Variants in AK9 observed in about 807,000 individuals in gnomAD.
The protein encoded by AK9 is adenylate kinase domain containing 1.
AK9 carries 191 observed loss-of-function variants against 239.6 expected under a neutral mutation model. The observed-to-expected ratio is 0.80, with a 90% CI of 0.71 to 0.90. AK9 has a LOEUF of 0.90. AK9 is among the 40% of genes least tolerant of loss of function. The pLI is 0.00. For synonymous variants in AK9, 689 were observed against 721.0 expected (o/e 0.96, Z 0.71); for missense variants, 1,995 against 2,214.7 (o/e 0.90, Z 1.99).
chr6:109,580,906 T>C (rs1294445783), intron 19 of AK9, among the ~76,000 whole-genome samples: 2 of 141,586 alleles, frequency 1.4e-5, no homozygotes, highest in African/African-American at 5.0e-5. Flanking sequence ...ATATCGTGGT[T>C]TTTTTTTGTG....
At chr6:109,571,259 C>T (rs1260535075) in intron 21 of AK9, among the ~76,000 whole-genome samples, 1 of 152,176 alleles carries the variant, frequency 6.6e-6, no homozygotes. Flanking sequence ...CAGAAATCCA[C>T]AGCCTGTTCT....
chr6:109,533,405 C>T lies in AK9; in HGVS notation c.3416G>A (p.Arg1139His), dbSNP rs765149808. ...AACAGCTGCATCTGGGAAAAATCCA[C>T]GATCTCCCAAAAACTGGGCCTCTTC... is the stretch of plus-strand genomic sequence containing the variant. The part of the protein sequence containing the change: ...YPEEAQFLGD[R>H]GFFPDAAVFI... The change falls in exon 28 of 41, where the codon CGT becomes CAT. Residue 1139 changes from arginine to histidine, a missense_variant. By Grantham distance (29) the Arg-to-His change is conservative (BLOSUM62 0). This residue lies in a region of AK9 where 1,290 missense variants were observed against 1,392.7 expected (regional missense o/e 0.93). Transcript: ENST00000424296. 5.7e-5 allele frequency: 92 copies of T among 1,609,764 alleles called. No homozygotes were observed. The highest frequency in any genetic ancestry group is 4.9e-4 in the Middle Eastern group (3 of 6,076).
rs566894365 is a variant in AK9, at chr6:109,585,142, T to C, written c.2095A>G (p.Lys699Glu). The part of the protein sequence containing the change: ...RLLEELQKKK[K>E]EEEEARKATE... ...TTTTACCTTGCTTCTTCTTCTTCTTTTTTTTTCTTTTGTAGTTCTTCTAAT... is the reference window on the plus strand; with the variant it reads ...TTTTACCTTGCTTCTTCTTCTTCTTCTTTTTTCTTTTGTAGTTCTTCTAAT... Residue 699 changes from lysine to glutamate, a missense_variant, in exon 19 of 41, where the codon AAA becomes GAA. By Grantham distance (56) the Lys-to-Glu change is moderately conservative (BLOSUM62 1). Transcript: ENST00000424296. 33 of 1,161,642 alleles carry C rather than the reference T, an allele frequency of 2.8e-5. No homozygotes were observed. In the South Asian group the frequency reaches 4.0e-4, roughly 14 times the overall value. The allele number at this position is 1,161,642 out of a possible 1,614,324, so 72.0% of individuals were successfully genotyped here. A position where few individuals can be genotyped will look rare whatever the true frequency, so the allele number is the denominator to read the frequency against.
rs573173802 is a variant in AK9, at chr6:109,619,202, A to G, written c.1289T>C (p.Phe430Ser). ...TACTAATGTTTCACGGGCTTTATCA[A>G]AACGTGGCTGAACAAGTTGGGCATA... The part of the protein sequence containing the change: ...VDYAQLVQPR[F>S]DKARETLVEN... Residue 430 changes from phenylalanine to serine, a missense_variant, in exon 13 of 41, where the codon TTT becomes TCT. Phe to Ser is a radical substitution (Grantham distance 155). Around this residue, in one of 5 missense-constraint regions of AK9, gnomAD observed 1,290 missense variants for 1,392.7 expected, o/e 0.93. Coordinates refer to ENST00000424296, the MANE Select transcript of AK9 (RefSeq NM_001145128.3). 6.5e-7 allele frequency: 1 copy of G among 1,549,854 alleles called. No individual in the cohort carries two copies. The highest frequency in any genetic ancestry group is 2.0e-5 in the Admixed American group (1 of 50,680).
At chr6:109,685,565 A>G (rs897303503) in intron 1 of AK9, among the ~76,000 whole-genome samples, 1 of 146,850 alleles carries the variant, frequency 6.8e-6, no homozygotes, top group Non-Finnish European at 1.5e-5. Flanking sequence ...AACATCACAC[A>G]CTGGGGCCTT....
At chr6:109,559,366 A>C (rs1785446731) in intron 24 of AK9, among the ~76,000 whole-genome samples, 1 of 150,982 alleles carries the variant, frequency 6.6e-6, no homozygotes, top group Non-Finnish European at 1.5e-5. Context: ...ATGGGGTTTC[A>C]CCGTGTTAGC....
chr6:109,563,764 T>C (rs998394596), intron 23 of AK9, 52 bp from the exon 24 acceptor site: 1 of 1,504,610 alleles, frequency 6.6e-7, no homozygotes, highest in African/African-American at 1.4e-5. Context: ...AAAAGGTTAT[T>C]AGCATATTAC....
Position 109,639,055 on chromosome 6 carries a change from T to A in AK9, c.933+2463A>T, listed in dbSNP as rs571610922. Among the ~76,000 whole-genome samples, 111 of 152,366 alleles carry A rather than the reference T, an allele frequency of 7.3e-4. 1 individual carries two copies. Among genetic ancestry groups the A allele is most frequent in the African/African-American group, 2.6e-3 (108 of 41,582 alleles). Reference sequence around the variant, plus strand: ...TTTTCTTAATCCAGTCTATCATTGATGGACATTTGGGTTGGTTCCAAGTCT... The same window carrying A: ...TTTTCTTAATCCAGTCTATCATTGAAGGACATTTGGGTTGGTTCCAAGTCT... On this transcript the variant is annotated intron_variant, in intron 10 of 40. Coordinates refer to ENST00000424296, the MANE Select transcript of AK9 (RefSeq NM_001145128.3).
chr6:109,610,401 T>C lies in AK9; in HGVS notation c.1806A>G (p.Glu602=). The change falls in exon 17 of 41, where the codon GAA becomes GAG. Residue 602 remains glutamate (E), a synonymous_variant. Transcript: ENST00000424296. Reference sequence around the variant, plus strand: ...CTTCCTGTAAGATTTCAGCATGTTTTTCATATGGCTGTTCAAAGTTTATAT... The same window carrying C: ...CTTCCTGTAAGATTTCAGCATGTTTCTCATATGGCTGTTCAAAGTTTATAT... ...SQDINFEQPY[E]KHAEILQEVL... 1 of 1,551,722 alleles carries C rather than the reference T, an allele frequency of 6.4e-7. No homozygotes were observed. Among genetic ancestry groups the C allele is most frequent in the Non-Finnish European group, 8.7e-7 (1 of 1,146,918 alleles).
At chr6:109,593,140 C>T (rs1314346783) in intron 17 of AK9, among the ~76,000 whole-genome samples, 1 of 151,946 alleles carries the variant, frequency 6.6e-6, no homozygotes, top group Non-Finnish European at 1.5e-5. Context: ...TCTGCTTGTG[C>T]TGGGCTATTG....
Position 109,684,723 on chromosome 6 carries a change from A to T in AK9, c.-12+6424T>A, listed in dbSNP as rs186772512. 6.0e-3 allele frequency among the ~76,000 whole-genome samples: 821 copies of T among 136,978 alleles called. 13 individuals carry two copies. The highest frequency in any genetic ancestry group is 0.024 in the African/African-American group (794 of 32,986). The allele number at this position is 136,978 out of a possible 152,430, so 89.9% of individuals were successfully genotyped here. On this transcript the variant is annotated intron_variant, in intron 1 of 40. Transcript: ENST00000424296. ...CCCCGTCTCTACTAAAAATACAAAA[A>T]ATTAGCCGGGCGTAGTGGCGGGCGC...
chr6:109,627,066 T>A (rs922090773), intron 12 of AK9, among the ~76,000 whole-genome samples: 1 of 152,042 alleles, frequency 6.6e-6, no homozygotes, highest in African/African-American at 2.4e-5. Flanking sequence ...CACAAACTCA[T>A]TGTACAGATG....
At chr6:109,573,293 G>C (rs927179496) in intron 21 of AK9, 149 bp downstream of exon 21, 1 of 794,912 alleles carries the variant, frequency 1.3e-6, no homozygotes, top group Admixed American at 3.6e-5. Flanking sequence ...TCAAACTGTG[G>C]GATTTGGACT....
intron 29 of AK9, among the ~76,000 whole-genome samples, chr6:109,522,812 G>C (rs1489819952): frequency 6.6e-6 from 1 of 152,070 alleles, no homozygotes; most frequent in Non-Finnish European, 1.5e-5. Context: ...TTAGTTCAGA[G>C]CAACTGCATG....
chr6:109,564,656 A>C (rs1786232834), intron 22 of AK9, 100 bp downstream of exon 22: 1 of 832,686 alleles, frequency 1.2e-6, no homozygotes, highest in African/African-American at 1.7e-5. Flanking sequence ...ATAGAAAGAA[A>C]TAAGTATGAC....
intron 12 of AK9, among the ~76,000 whole-genome samples, chr6:109,623,182 T>G (rs1277125870): frequency 6.6e-6 from 1 of 152,168 alleles, no homozygotes; most frequent in African/African-American, 2.4e-5. Context: ...TGATAATTCC[T>G]TTATCTGACA....
At chr6:109,502,594 C>A (rs1439002101) in intron 35 of AK9, among the ~76,000 whole-genome samples, 1 of 152,204 alleles carries the variant, frequency 6.6e-6, no homozygotes, top group African/African-American at 2.4e-5. Context: ...GTTGTTTAAG[C>A]CATCCAGTTT....
chr6:109,574,327 T>C (rs1787798324), intron 20 of AK9, among the ~76,000 whole-genome samples: 1 of 152,038 alleles, frequency 6.6e-6, no homozygotes, highest in Admixed American at 6.6e-5. Flanking sequence ...TGAGCTGAGA[T>C]TGTGTCACTG....
rs1783787815 is a variant in AK9, at chr6:109,547,860, A to C, written c.2965-1733T>G. The stretch of plus-strand genomic sequence containing the variant: ...CAGCTCAGTAGCAAAAAAAAAAAAA[A>C]AAAAACCCAAATATTCTGATTTAAC... On this transcript the variant is annotated intron_variant, in intron 25 of 40. Coordinates refer to ENST00000424296, the MANE Select transcript of AK9 (RefSeq NM_001145128.3). Among the ~76,000 whole-genome samples, 3 of 151,832 alleles carry C rather than the reference A, an allele frequency of 2.0e-5. No individual in the cohort carries two copies. The East Asian group carries it at 5.8e-4, about 29-fold the overall frequency.
Sources: gnomAD v4.1 joint callset for allele counts (sites outside exome capture counted in the v4.1 genomes callset) on GRCh38, gnomAD v4.1.1 for gene constraint, gnomAD v4.1.1 regional missense constraint, MANE v1.5 for transcripts, NCBI Gene and HGNC (gene_info 2026-07-23, HGNC 2026-07-21) for gene names.